Variants in HPSE2 observed in about 807,000 individuals in gnomAD.
The protein encoded by HPSE2 is heparanase 2 (inactive).
Under a neutral mutation model 60.5 loss-of-function variants are expected in HPSE2, and 38 were observed. The ratio of observed to expected loss-of-function variants is 0.63; its 90% CI spans 0.48 to 0.82. The LOEUF is 0.82. Ranked by LOEUF, HPSE2 falls within the 40% of genes least tolerant of loss-of-function variation. The pLI, the probability that HPSE2 is intolerant of heterozygous loss-of-function variation, is 0.00. For synonymous variants in HPSE2, 295 were observed against 293.2 expected (o/e 1.01, Z -0.06); for missense variants, 713 against 740.4 (o/e 0.96, Z 0.43).
intron 3 of HPSE2, among the ~76,000 whole-genome samples, chr10:98,817,067 C>G (rs1419365215): frequency 6.6e-6 from 1 of 152,112 alleles, no homozygotes; most frequent in Non-Finnish European, 1.5e-5. Flanking sequence ...TCCTCCCTCC[C>G]TCCCTTTGGT....
At chr10:98,947,039 C>A (rs376688410) in intron 3 of HPSE2, among the ~76,000 whole-genome samples, 17 of 151,950 alleles carry the variant, frequency 1.1e-4, no homozygotes, top group African/African-American at 3.9e-4. Flanking sequence ...TGCTTCCAAG[C>A]AGAAGAGGAA....
intron 3 of HPSE2, among the ~76,000 whole-genome samples, chr10:98,917,394 A>T (rs1396691699): frequency 6.6e-6 from 1 of 152,202 alleles, no homozygotes; most frequent in Non-Finnish European, 1.5e-5. Flanking sequence ...ACTGAGTGGA[A>T]AAAAACTCAG....
intron 3 of HPSE2, among the ~76,000 whole-genome samples, chr10:99,115,344 C>T (rs952984860): frequency 1.3e-5 from 2 of 152,010 alleles, no homozygotes; most frequent in East Asian, 1.9e-4. Context: ...TTAGTAGAGA[C>T]GGGGTTTCAC....
chr10:98,900,153 C>CTTTAACAA (rs1432937359), intron 3 of HPSE2, among the ~76,000 whole-genome samples: 2 of 152,094 alleles, frequency 1.3e-5, no homozygotes, highest in Non-Finnish European at 2.9e-5. Flanking sequence ...GTAGCTTTAT[C>CTTTAACAA]TTTAACAATC....
chr10:98,696,970 G>T (rs1948239770), intron 5 of HPSE2, among the ~76,000 whole-genome samples: 1 of 152,078 alleles, frequency 6.6e-6, no homozygotes, highest in African/African-American at 2.4e-5. Context: ...ACAAAAAAAT[G>T]TCCCACAAAA....
At chr10:99,138,874 C>T (rs1357641411) in intron 3 of HPSE2, among the ~76,000 whole-genome samples, 1 of 152,002 alleles carries the variant, frequency 6.6e-6, no homozygotes, top group African/African-American at 2.4e-5. Flanking sequence ...ACATGTACCC[C>T]AGAAATTAAT....
intron 3 of HPSE2, among the ~76,000 whole-genome samples, chr10:98,750,684 T>A (rs1163777208): frequency 6.6e-6 from 1 of 152,154 alleles, no homozygotes; most frequent in East Asian, 1.9e-4. Flanking sequence ...CTCTGAAGTT[T>A]TTGGCTTAAG....
intron 3 of HPSE2, among the ~76,000 whole-genome samples, chr10:98,860,269 T>C (rs1244151483): frequency 6.6e-6 from 1 of 152,222 alleles, no homozygotes; most frequent in Non-Finnish European, 1.5e-5. Flanking sequence ...TAAAATGTGG[T>C]TGTGCTGTGG....
At chr10:98,842,898 T>G (rs913176132) in intron 3 of HPSE2, among the ~76,000 whole-genome samples, 1 of 152,200 alleles carries the variant, frequency 6.6e-6, no homozygotes, top group Non-Finnish European at 1.5e-5. Flanking sequence ...ACTGTCTTTT[T>G]ACTGTCTCCA....
chr10:98,615,347 G>A (rs1481267035), intron 8 of HPSE2, among the ~76,000 whole-genome samples: 1 of 152,120 alleles, frequency 6.6e-6, no homozygotes, highest in Admixed American at 6.5e-5. Flanking sequence ...CCATTTGTAA[G>A]CCTAATATCC....
In HPSE2 at chr10:99,096,849, C is replaced by T. The variant is rs114339491; in HGVS notation, c.610+47389G>A. Among the ~76,000 whole-genome samples, 456 of 152,152 alleles carry T rather than the reference C, an allele frequency of 3.0e-3. 1 individual carries two copies. Among genetic ancestry groups the T allele is most frequent in the African/African-American group, 0.011 (436 of 41,520 alleles). On this transcript the variant is annotated intron_variant, in intron 3 of 11. Transcript: ENST00000370552. ...CTATGTTCAGGAGCAAAGGGGAATC[C>T]ATAGAAAAGGGCACAAGAGGCAGCT...
At chr10:98,848,772 C>T (rs982393752) in intron 3 of HPSE2, among the ~76,000 whole-genome samples, 3 of 152,194 alleles carry the variant, frequency 2.0e-5, no homozygotes, top group East Asian at 3.8e-4. Context: ...ACCTGCTAAA[C>T]TCAACCACGA....
At chr10:99,047,930 A>G in intron 3 of HPSE2, 2 of 754,438 alleles carry the variant, frequency 2.7e-6, no homozygotes, top group Non-Finnish European at 4.8e-6. Flanking sequence ...GATCAGAGGT[A>G]TCGATGGTGT....
chr10:98,716,639 T>C (rs1019306518), intron 5 of HPSE2, among the ~76,000 whole-genome samples: 1 of 151,988 alleles, frequency 6.6e-6, no homozygotes, highest in African/African-American at 2.4e-5. Context: ...TCTCAAATAA[T>C]GTATTTCTTA....
intron 9 of HPSE2, among the ~76,000 whole-genome samples, chr10:98,509,117 C>A (rs1942299795): frequency 6.6e-6 from 1 of 152,076 alleles, no homozygotes; most frequent in African/African-American, 2.4e-5. Context: ...AGATCAAGAC[C>A]ATTCTGGCCA....
At chr10:99,093,296 T>A (rs766881259) in intron 3 of HPSE2, among the ~76,000 whole-genome samples, 3 of 152,002 alleles carry the variant, frequency 2.0e-5, no homozygotes, top group Admixed American at 6.6e-5. Flanking sequence ...TAGCTATCAA[T>A]CATAACTGTC....
intron 6 of HPSE2, among the ~76,000 whole-genome samples, chr10:98,648,415 G>A (rs752778391): frequency 7.2e-5 from 11 of 152,346 alleles, no homozygotes; most frequent in Non-Finnish European, 1.6e-4. Context: ...GTGGGCAGAA[G>A]TGGATCCATG....
chr10:98,852,149 GTGTGTGTGTGTGTGTGTATA>G lies in HPSE2; in HGVS notation c.611-108113_611-108094del, dbSNP rs761194188. On this transcript the variant is annotated intron_variant, in intron 3 of 11. Coordinates refer to ENST00000370552, the MANE Select transcript of HPSE2 (RefSeq NM_021828.5). ...TGTGTGTGTGTGTGTGTGTGTGTGT[GTGTGTGTGTGTGTGTGTATA>G]TATGTTTGGTTTTCATCCATCCTTC... 3.8e-4 allele frequency among the ~76,000 whole-genome samples: 53 copies of G among 139,174 alleles called. 1 individual carries two copies. The highest frequency in any genetic ancestry group is 6.7e-4 in the East Asian group (3 of 4,504). The allele number at this position is 139,174 out of a possible 152,430, so 91.3% of individuals were successfully genotyped here. A position where few individuals can be genotyped will look rare whatever the true frequency, so the allele number is the denominator to read the frequency against.
chr10:98,761,646 C>A (rs1286461362), intron 3 of HPSE2, among the ~76,000 whole-genome samples: 2 of 152,164 alleles, frequency 1.3e-5, no homozygotes, highest in African/African-American at 2.4e-5. Flanking sequence ...AAGCCAACTA[C>A]AGTGTATATT....
Sources: allele counts gnomAD v4.1 joint callset (sites outside exome capture counted in the v4.1 genomes callset), GRCh38; gene constraint gnomAD v4.1.1; transcripts MANE v1.5; gene names NCBI Gene and HGNC (gene_info 2026-07-23, HGNC 2026-07-21).